Variants in SPATS1 observed in about 807,000 individuals in gnomAD.
The protein encoded by SPATS1 is spermatogenesis-associated serine-rich protein 1.
A neutral mutation model predicts 33.6 loss-of-function variants in SPATS1; 23 were observed. That is an observed-to-expected ratio of 0.68 (90% confidence interval 0.49 to 0.97). The LOEUF is 0.97. Ranked by LOEUF, SPATS1 falls within the 50% of genes least tolerant of loss-of-function variation. SPATS1 has a pLI of 0.00. For synonymous variants in SPATS1, 131 were observed against 125.6 expected, an observed-to-expected ratio of 1.04 and a Z score of -0.29; for missense variants, 327 against 361.0, an observed-to-expected ratio of 0.91 and a Z score of 0.76.
At chr6:44,359,964 G>A (rs940792958) in intron 3 of SPATS1, among the ~76,000 whole-genome samples, 6 of 152,138 alleles carry the variant, frequency 3.9e-5, no homozygotes, top group African/African-American at 1.2e-4. Flanking sequence ...CACTTGGGTC[G>A]TTTCCACTTT....
At chr6:44,360,045 C>G (rs529290595) in intron 3 of SPATS1, among the ~76,000 whole-genome samples, 1 of 152,266 alleles carries the variant, frequency 6.6e-6, no homozygotes, top group Admixed American at 6.5e-5. Context: ...GTTGTCAGTT[C>G]TTTTAGGTAT....
intron 5 of SPATS1, among the ~76,000 whole-genome samples, chr6:44,362,549 T>C (rs1788984547): frequency 6.6e-6 from 1 of 152,188 alleles, no homozygotes; most frequent in Non-Finnish European, 1.5e-5. Flanking sequence ...CCTCAAAAGT[T>C]GCTGAGTACC....
Position 44,377,302 on chromosome 6 carries a change from C to T in SPATS1, c.*239C>T, listed in dbSNP as rs1790019938. Reference sequence around the variant, plus strand: ...GATTCTATCATTGTTAATATTTGTTCAAACTTTCTCTCTCTCACAATATTA... The same window carrying T: ...GATTCTATCATTGTTAATATTTGTTTAAACTTTCTCTCTCTCACAATATTA... On this transcript the variant is annotated 3_prime_UTR_variant, in exon 9 of 9. Transcript: ENST00000674044. The T allele has an allele frequency of 1.7e-6, 1 of 572,878 alleles. No individual in the cohort carries two copies. The highest frequency in any genetic ancestry group is 1.9e-5 in the African/African-American group (1 of 53,202). The allele number at this position is 572,878 out of a possible 1,614,324, so 35.5% of individuals were successfully genotyped here.
chr6:44,346,812 T>G (rs1316128847), intron 2 of SPATS1, among the ~76,000 whole-genome samples: 1 of 152,202 alleles, frequency 6.6e-6, no homozygotes, highest in Non-Finnish European at 1.5e-5. Flanking sequence ...TGGAAGACAG[T>G]GTGGCAATTC....
intron 7 of SPATS1, among the ~76,000 whole-genome samples, chr6:44,372,390 G>T (rs1361077642): frequency 6.6e-6 from 1 of 151,872 alleles, no homozygotes; most frequent in Admixed American, 6.6e-5. Flanking sequence ...TTTTTATTTG[G>T]ATACTGGACA....
chr6:44,345,154 A>C (rs1222118078), intron 2 of SPATS1, among the ~76,000 whole-genome samples: 2 of 152,128 alleles, frequency 1.3e-5, no homozygotes, highest in Non-Finnish European at 2.9e-5. Context: ...TCTTCCAGCT[A>C]ATCTTCTTTT....
At chr6:44,345,972 C>T (rs1787853230) in intron 2 of SPATS1, among the ~76,000 whole-genome samples, 2 of 152,232 alleles carry the variant, frequency 1.3e-5, no homozygotes, top group South Asian at 4.1e-4. Context: ...AATGGCATCT[C>T]ATTTTAAATT....
At chr6:44,369,880 C>CATTACATAAAATAAAATAAAATAAA (rs1554154188) in intron 6 of SPATS1, among the ~76,000 whole-genome samples, 171 bp from the exon 7 acceptor site, 2 of 147,500 alleles carry the variant, frequency 1.4e-5, no homozygotes, top group African/African-American at 5.1e-5. Context: ...TCAAAACATA[C>CATTACATAAAATAAAATAAAATAAA]ATAAAATAAA....
chr6:44,377,881 T>C lies in SPATS1; in HGVS notation c.*818T>C, dbSNP rs557422109. On this transcript the variant is annotated 3_prime_UTR_variant, in exon 9 of 9. Transcript: ENST00000674044. ...GCCTCCCAATGGCCTTACCTCCTAA[T>C]ACCATCACCTTGGGGATTAGGTTTC... The C allele has an allele frequency of 2.0e-5, 3 of 152,284 alleles. No individual in the cohort carries two copies. The highest frequency in any genetic ancestry group is 1.9e-4 in the East Asian group (1 of 5,180). The allele number at this position is 152,284 out of a possible 1,614,324, so 9.4% of individuals were successfully genotyped here.
chr6:44,365,917 T>G (rs1025734290), intron 5 of SPATS1, among the ~76,000 whole-genome samples: 1 of 152,228 alleles, frequency 6.6e-6, no homozygotes, highest in African/African-American at 2.4e-5. Context: ...CCCTTTGGGC[T>G]GATACCTGTT....
At chr6:44,375,353 C>T (rs926118837) in intron 7 of SPATS1, among the ~76,000 whole-genome samples, 7 of 152,190 alleles carry the variant, frequency 4.6e-5, no homozygotes, top group South Asian at 4.1e-4. Context: ...GAACAGTAAG[C>T]GCTGGAGCTC....
Position 44,376,455 on chromosome 6 carries a change from C to T in SPATS1, c.856C>T (p.His286Tyr). The change falls in exon 8 of 9, where the codon CAC (histidine) becomes TAC (tyrosine). Residue 286 changes from histidine (H) to tyrosine (Y), a missense_variant. His to Tyr is a moderately conservative substitution (Grantham distance 83). Coordinates refer to ENST00000674044, the MANE Select transcript of SPATS1 (RefSeq NM_001372081.1). ...CTGGCAGCCAGCAGTGCCCTTAATGCACATGCTACACCTTTCTGGTGGGTT... is the reference window on the plus strand; with the variant it reads ...CTGGCAGCCAGCAGTGCCCTTAATGTACATGCTACACCTTTCTGGTGGGTT... ...DNWQPAVPLM[H>Y]MLHLSGALDF... is the part of the protein sequence containing the mutation. 1 of 1,608,176 alleles carries T rather than the reference C, an allele frequency of 6.2e-7. No homozygotes were observed. The highest frequency in any genetic ancestry group is 1.7e-5 in the Admixed American group (1 of 59,350).
At chr6:44,347,432 T>C (rs1163169026) in intron 2 of SPATS1, among the ~76,000 whole-genome samples, 1 of 152,208 alleles carries the variant, frequency 6.6e-6, no homozygotes, top group Non-Finnish European at 1.5e-5. Context: ...CATGTTGTTA[T>C]AGATTTTCCC....
rs1790097849 is a variant in SPATS1, at chr6:44,379,324, C to T, written c.*2261C>T. Among the ~76,000 whole-genome samples the T allele has an allele frequency of 6.6e-6, 1 of 152,084 alleles. No homozygotes were observed. Among genetic ancestry groups the T allele is most frequent in the Non-Finnish European group, 1.5e-5 (1 of 68,010 alleles). On this transcript the variant is annotated 3_prime_UTR_variant, in exon 9 of 9. Coordinates refer to ENST00000674044, the MANE Select transcript of SPATS1 (RefSeq NM_001372081.1). ...GAAAACAACCGGCTGGGCGTGGTGGCTCACGCCTGTAATCCCAGCACTTTG... is the reference window on the plus strand; with the variant it reads ...GAAAACAACCGGCTGGGCGTGGTGGTTCACGCCTGTAATCCCAGCACTTTG...
chr6:44,379,446 C>T lies in SPATS1; in HGVS notation c.*2383C>T, dbSNP rs543013302. On this transcript the variant is annotated 3_prime_UTR_variant, in exon 9 of 9. Coordinates refer to ENST00000674044, the MANE Select transcript of SPATS1 (RefSeq NM_001372081.1). ...TCTATTAAAAACACAAAAAAATTAG[C>T]CAGGCATGGTGGTGGGCACCTATAG... Among the ~76,000 whole-genome samples, 1 of 151,570 alleles carries T rather than the reference C, an allele frequency of 6.6e-6. No individual in the cohort carries two copies. Among genetic ancestry groups the T allele is most frequent in the African/African-American group, 2.4e-5 (1 of 41,352 alleles).
At chr6:44,373,632 A>T (rs1263129309) in intron 7 of SPATS1, among the ~76,000 whole-genome samples, 3 of 151,712 alleles carry the variant, frequency 2.0e-5, no homozygotes, top group African/African-American at 7.2e-5. Context: ...TAAATCTGCA[A>T]ATGCAACAAT....
rs994774709 is a variant in SPATS1, at chr6:44,352,724, A to G, written c.140-2A>G. 5 of 1,613,578 alleles carry G rather than the reference A, an allele frequency of 3.1e-6. No individual in the cohort carries two copies. The African/African-American group carries it at 5.3e-5, about 17-fold the overall frequency. Reference sequence around the variant, plus strand: ...TTAAATGGTGATATCTCTGTGTTACAGGTGCTAATTGCAGTGATTTTCTGG... The same window carrying G: ...TTAAATGGTGATATCTCTGTGTTACGGGTGCTAATTGCAGTGATTTTCTGG... On this transcript the variant is annotated splice_acceptor_variant, in intron 2 of 8. Transcript: ENST00000674044. LOFTEE classifies it high-confidence loss of function.
chr6:44,378,484 ACATTTAGC>A lies in SPATS1; in HGVS notation c.*1424_*1431del, dbSNP rs1405887592. ...GAATGAAGCAGGTTTAGAACACGAT[ACATTTAGC>A]CAGGTGTGGTGGCTCATGCCTGTAA... is the stretch of plus-strand genomic sequence containing the variant. On this transcript the variant is annotated 3_prime_UTR_variant, in exon 9 of 9. Coordinates refer to ENST00000674044, the MANE Select transcript of SPATS1 (RefSeq NM_001372081.1). 1 of 152,252 alleles carries A rather than the reference ACATTTAGC, an allele frequency of 6.6e-6. No homozygotes were observed. 9.4% of individuals were successfully genotyped at this position (152,252 alleles called of 1,614,324 possible). A position where few individuals can be genotyped will look rare whatever the true frequency, so the allele number is the denominator to read the frequency against.
intron 2 of SPATS1, among the ~76,000 whole-genome samples, chr6:44,347,470 T>G (rs1053747233): frequency 2.0e-5 from 3 of 152,226 alleles, no homozygotes; most frequent in Non-Finnish European, 4.4e-5. Flanking sequence ...ATGAAAGTTT[T>G]AAGTTTATAT....
Sources: gnomAD v4.1 joint callset for allele counts (sites outside exome capture counted in the v4.1 genomes callset) on GRCh38, gnomAD v4.1.1 for gene constraint, MANE v1.5 for transcripts, NCBI Gene and HGNC (gene_info 2026-07-23, HGNC 2026-07-21) for gene names.